Variants in SBF2 observed in about 807,000 individuals in gnomAD.
SBF2 encodes the protein myotubularin-related protein 13.
In SBF2, 112 loss-of-function variants were observed where a neutral mutation model predicts 225.2. That is an observed-to-expected ratio of 0.50 (90% confidence interval 0.43 to 0.58). The LOEUF is 0.58. SBF2 is among the 20% of genes least tolerant of loss of function. The pLI is 0.00. For synonymous variants in SBF2, 763 were observed against 773.3 expected (o/e 0.99, Z 0.22); for missense variants, 1,996 against 2,206.2 (o/e 0.90, Z 1.91).
At chr11:10,174,241 G>A (rs1318914603) in intron 2 of SBF2, among the ~76,000 whole-genome samples, 1 of 152,138 alleles carries the variant, frequency 6.6e-6, no homozygotes, top group Non-Finnish European at 1.5e-5. Context: ...CAAACCAAAG[G>A]CAAAGAAGTT....
chr11:10,300,166 A>T (rs59801659), intron 1 of SBF2, among the ~76,000 whole-genome samples: 1 of 152,222 alleles, frequency 6.6e-6, no homozygotes, highest in Non-Finnish European at 1.5e-5. Context: ...GTTTATAATC[A>T]TGTAAATACA....
chr11:9,935,752 A>G (rs1291502125), intron 16 of SBF2, among the ~76,000 whole-genome samples: 1 of 152,236 alleles, frequency 6.6e-6, no homozygotes, highest in Non-Finnish European at 1.5e-5. Context: ...CTGACTAGCC[A>G]TATGTAGAAA....
intron 3 of SBF2, among the ~76,000 whole-genome samples, chr11:10,035,921 A>G (rs1171188284): frequency 6.6e-6 from 1 of 152,224 alleles, no homozygotes; most frequent in East Asian, 1.9e-4. Flanking sequence ...GTGTATACCC[A>G]AAGGATTATA....
Position 9,842,683 on chromosome 11 carries a change from C to G in SBF2, c.3198G>C (p.Gly1066=). The change falls in exon 25 of 40, where the codon GGG becomes GGC. Residue 1066 remains glycine, a synonymous_variant. Transcript: ENST00000256190. Reference sequence around the variant, plus strand: ...GATTTACTCTTTCTTCCACAATTGTCCCTGTCTTCTTCTTCAGTAAATATT... The same window carrying G: ...GATTTACTCTTTCTTCCACAATTGTGCCTGTCTTCTTCTTCAGTAAATATT... The part of the protein sequence containing the change: ...GRQYLLKKKT[G]TIVEERVNRP... 6.2e-7 allele frequency: 1 copy of G among 1,614,112 alleles called. No homozygotes were observed. The highest frequency in any genetic ancestry group is 8.5e-7 in the Non-Finnish European group (1 of 1,179,972).
intron 1 of SBF2, among the ~76,000 whole-genome samples, chr11:10,232,830 T>A (rs1053992526): frequency 6.6e-6 from 1 of 152,202 alleles, no homozygotes; most frequent in Non-Finnish European, 1.5e-5. Flanking sequence ...TTTTCAAGCT[T>A]CCCCAAACTA....
intron 2 of SBF2, among the ~76,000 whole-genome samples, chr11:10,153,899 G>A (rs1230334035): frequency 6.6e-6 from 1 of 151,926 alleles, no homozygotes; most frequent in East Asian, 1.9e-4. Context: ...CAGTTATTCT[G>A]CACCATTTGT....
At chr11:9,955,562 T>C (rs1348155426) in intron 16 of SBF2, among the ~76,000 whole-genome samples, 3 of 152,060 alleles carry the variant, frequency 2.0e-5, no homozygotes, top group Non-Finnish European at 4.4e-5. Flanking sequence ...TACTGTCTCA[T>C]ACTCTAAAGA....
intron 3 of SBF2, among the ~76,000 whole-genome samples, chr11:10,036,234 G>T (rs377074064): frequency 1.3e-4 from 20 of 152,048 alleles, no homozygotes; most frequent in African/African-American, 4.3e-4. Context: ...ACACAGGGCG[G>T]GGAACATCAC....
At chr11:10,288,099 A>G (rs1015180041) in intron 1 of SBF2, among the ~76,000 whole-genome samples, 1 of 152,194 alleles carries the variant, frequency 6.6e-6, no homozygotes, top group Non-Finnish European at 1.5e-5. Context: ...GGCCCCAAAG[A>G]AGGAGTCACA....
At chr11:10,140,555 G>A (rs969739814) in intron 2 of SBF2, among the ~76,000 whole-genome samples, 1 of 152,152 alleles carries the variant, frequency 6.6e-6, no homozygotes, top group Admixed American at 6.5e-5. Context: ...TCTTGCATTT[G>A]GTTATTCCTG....
chr11:10,245,257 A>G (rs1959664998), intron 1 of SBF2, among the ~76,000 whole-genome samples: 1 of 152,078 alleles, frequency 6.6e-6, no homozygotes, highest in Non-Finnish European at 1.5e-5. Context: ...TCAAAACCAC[A>G]TGGAGGCCTG....
chr11:10,275,885 C>T (rs1962919429), intron 1 of SBF2, among the ~76,000 whole-genome samples: 1 of 151,936 alleles, frequency 6.6e-6, no homozygotes, highest in African/African-American at 2.4e-5. Flanking sequence ...TGTTTCATTG[C>T]TGTCTCTAAA....
At chr11:9,848,261 A>T (rs1329913705) in intron 22 of SBF2, among the ~76,000 whole-genome samples, 1 of 152,226 alleles carries the variant, frequency 6.6e-6, no homozygotes, top group African/African-American at 2.4e-5. Flanking sequence ...CAAAGTCAGG[A>T]TGTACATAGG....
intron 6 of SBF2, among the ~76,000 whole-genome samples, chr11:10,027,724 T>A: frequency 6.6e-6 from 1 of 152,168 alleles, no homozygotes; most frequent in East Asian, 1.9e-4. Context: ...TTAAATAATG[T>A]AAAAGCTGTC....
At chr11:9,843,581 C>T (rs547966765) in intron 24 of SBF2, among the ~76,000 whole-genome samples, 1 of 152,166 alleles carries the variant, frequency 6.6e-6, no homozygotes, top group Non-Finnish European at 1.5e-5. Flanking sequence ...TGATTATATT[C>T]TTCTCTATCA....
At position 10,101,741 on chromosome 11, in the gene SBF2, GA is replaced by G. The variant is rs558849812; in HGVS notation, c.142-58761del. Among the ~76,000 whole-genome samples the G allele has an allele frequency of 2.3e-3, 346 of 151,532 alleles. 1 individual carries two copies. The highest frequency in any genetic ancestry group is 6.8e-3 in the Middle Eastern group (2 of 294). The stretch of plus-strand genomic sequence containing the variant: ...CTCCTCTGCAAGGGTTTAATTAATA[GA>G]AAAAAAGGATTTGTGAGACTAGTCT... On this transcript the variant is annotated intron_variant, in intron 2 of 39. Transcript: ENST00000256190.
At chr11:9,893,236 C>A (rs1186621603) in intron 17 of SBF2, among the ~76,000 whole-genome samples, 1 of 152,156 alleles carries the variant, frequency 6.6e-6, no homozygotes, top group Non-Finnish European at 1.5e-5. Context: ...ACATCTACTT[C>A]CTGAATTAAC....
intron 2 of SBF2, among the ~76,000 whole-genome samples, chr11:10,156,617 C>T (rs528578752): frequency 8.9e-4 from 136 of 152,304 alleles, no homozygotes; most frequent in African/African-American, 3.1e-3. Flanking sequence ...TGTGGCCACA[C>T]ATGGACCAAT....
At chr11:10,288,576 TCTCAGCAG>T (rs1963949243) in intron 1 of SBF2, among the ~76,000 whole-genome samples, 2 of 152,128 alleles carry the variant, frequency 1.3e-5, no homozygotes, top group Admixed American at 1.3e-4. Flanking sequence ...TGTCTGCAGC[TCTCAGCAG>T]AGAGGTCCTA....
Sources: gnomAD v4.1 joint callset for allele counts (sites outside exome capture counted in the v4.1 genomes callset) on GRCh38, gnomAD v4.1.1 for gene constraint, MANE v1.5 for transcripts, NCBI Gene and HGNC (gene_info 2026-07-23, HGNC 2026-07-21) for gene names.